DNAH7: variants seen among roughly 807,000 people sequenced by gnomAD.
The protein encoded by DNAH7 is dynein axonemal heavy chain 7.
A neutral mutation model predicts 444.6 loss-of-function variants in DNAH7; 397 were observed. The ratio of observed to expected loss-of-function variants is 0.89; its 90% CI spans 0.82 to 0.97. The LOEUF (loss-of-function observed/expected upper bound fraction) is 0.97, where lower values mean the gene tolerates loss of function less well. Among genes scored for constraint, DNAH7 ranks in the 50% least tolerant of loss-of-function variants. The pLI is 0.00. For missense variants in DNAH7, 4,902 were observed against 4,800.8 expected (o/e 1.02, Z -0.62); for synonymous variants, 1,636 against 1,624.4 (o/e 1.01, Z -0.17).
rs771195155 is a variant in DNAH7, at chr2:196,019,240, T to C, written c.799A>G (p.Ile267Val). Residue 267 changes from isoleucine to valine, a missense_variant, in exon 9 of 65, where the codon ATT becomes GTT. Coordinates refer to ENST00000312428, the MANE Select transcript of DNAH7 (RefSeq NM_018897.3). The stretch of plus-strand genomic sequence containing the variant: ...TTCATTGCATTCAAGTGATCCCTAA[T>C]ATAACTGCTTGCAGCTAAAAAAGAT... ...RKSFLAASSY[I>V]RDHLNAMNPT... is the part of the protein sequence containing the mutation. 24 of 1,514,936 alleles carry C rather than the reference T, an allele frequency of 1.6e-5. No individual in the cohort carries two copies. Among genetic ancestry groups the C allele is most frequent in the Non-Finnish European group, 2.1e-5 (23 of 1,118,884 alleles). 93.8% of individuals were successfully genotyped at this position (1,514,936 alleles called of 1,614,324 possible).
In DNAH7 at chr2:195,844,994, T is replaced by C; in HGVS notation, c.8945+8A>G. The C allele has an allele frequency of 6.2e-7, 1 of 1,609,130 alleles. No homozygotes were observed. Among genetic ancestry groups the C allele is most frequent in the African/African-American group, 1.3e-5 (1 of 74,874 alleles). On this transcript the variant is annotated splice_region_variant and intron_variant, in intron 47 of 64. Transcript: ENST00000312428. ...AAAGACCATTTGTGAGAAAAATATT[T>C]TTCTTACATTATGATTATCCCATTA...
chr2:195,944,233 T>C (rs1335959616), intron 19 of DNAH7, among the ~76,000 whole-genome samples: 1 of 152,160 alleles, frequency 6.6e-6, no homozygotes, highest in Non-Finnish European at 1.5e-5. Context: ...GGTGCAAGCA[T>C]ATGCGGCACA....
intron 54 of DNAH7, 81 bp downstream of exon 54, chr2:195,806,659 C>T (rs1488953659): frequency 2.5e-6 from 3 of 1,181,416 alleles, no homozygotes; most frequent in Non-Finnish European, 3.6e-6. Context: ...CCCATGATTA[C>T]ATAAGGAAAC....
chr2:195,915,374 T>C (rs1687611215), intron 24 of DNAH7, among the ~76,000 whole-genome samples: 1 of 152,070 alleles, frequency 6.6e-6, no homozygotes, highest in African/African-American at 2.4e-5. Context: ...TGTGCACAGG[T>C]AGTGAGTGAA....
At chr2:195,840,974 A>C (rs1698648996) in intron 47 of DNAH7, among the ~76,000 whole-genome samples, 1 of 151,818 alleles carries the variant, frequency 6.6e-6, no homozygotes, top group South Asian at 2.1e-4. Flanking sequence ...AGTAGACAAA[A>C]CAATTTTGAA....
rs182827897 is a variant in DNAH7 at position 195,815,971 on chromosome 2, G to A, written c.9761+657C>T. Among the ~76,000 whole-genome samples the A allele has an allele frequency of 1.7e-3, 256 of 152,290 alleles. 1 individual carries two copies. Among genetic ancestry groups the A allele is most frequent in the African/African-American group, 5.9e-3 (245 of 41,560 alleles). Reference sequence around the variant, plus strand: ...TGCGCCACTGCACTCCTGCCTGGGCGACAGAGTGAGCCTCCGTCTCAAAAC... The same window carrying A: ...TGCGCCACTGCACTCCTGCCTGGGCAACAGAGTGAGCCTCCGTCTCAAAAC... On this transcript the variant is annotated intron_variant, in intron 51 of 64. Transcript: ENST00000312428.
intron 25 of DNAH7, among the ~76,000 whole-genome samples, chr2:195,909,024 T>C (rs900284690): frequency 6.6e-6 from 1 of 152,116 alleles, no homozygotes; most frequent in Admixed American, 6.6e-5. Context: ...ATTTTTAAAA[T>C]GTGCTTTGCA....
At chr2:196,007,593 T>A (rs768512367) in intron 10 of DNAH7, among the ~76,000 whole-genome samples, 1 of 152,198 alleles carries the variant, frequency 6.6e-6, no homozygotes, top group Non-Finnish European at 1.5e-5. Flanking sequence ...ATAATCTCCA[T>A]GTGTCAAAGC....
At chr2:196,059,717 A>C (rs1698029190) in intron 1 of DNAH7, among the ~76,000 whole-genome samples, 1 of 152,108 alleles carries the variant, frequency 6.6e-6, no homozygotes, top group South Asian at 2.1e-4. Context: ...ACAGAGGGAG[A>C]CTTCCTTGCA....
chr2:195,914,184 C>T (rs995451451), intron 24 of DNAH7, among the ~76,000 whole-genome samples: 12 of 152,226 alleles, frequency 7.9e-5, no homozygotes, highest in African/African-American at 2.9e-4. Flanking sequence ...ACTTTCCCAT[C>T]TGACTGAAAA....
chr2:196,042,322 T>C (rs1696820388), intron 5 of DNAH7, among the ~76,000 whole-genome samples: 1 of 152,042 alleles, frequency 6.6e-6, no homozygotes, highest in African/African-American at 2.4e-5. Flanking sequence ...AGGGGACAGA[T>C]ATCCCAATTA....
At chr2:196,054,222 T>C (rs1043291248) in intron 2 of DNAH7, among the ~76,000 whole-genome samples, 1 of 152,220 alleles carries the variant, frequency 6.6e-6, no homozygotes, top group African/African-American at 2.4e-5. Flanking sequence ...GCATTCTTTA[T>C]TGTTTAAATT....
chr2:195,769,689 C>G (rs1694746925), intron 61 of DNAH7, among the ~76,000 whole-genome samples: 1 of 152,030 alleles, frequency 6.6e-6, no homozygotes, highest in Non-Finnish European at 1.5e-5. Flanking sequence ...TTAAATGTTC[C>G]TTTCTGAGAA....
At chr2:195,772,008 G>A (rs1187067249) in intron 60 of DNAH7, 118 bp from the exon 61 acceptor site, 4 of 828,502 alleles carry the variant, frequency 4.8e-6, no homozygotes, top group Non-Finnish European at 5.9e-6. Flanking sequence ...TTTTATCCAT[G>A]ATCCATCTCC....
At chr2:195,963,733 A>C (rs982405772) in intron 17 of DNAH7, among the ~76,000 whole-genome samples, 2 of 152,152 alleles carry the variant, frequency 1.3e-5, no homozygotes, top group South Asian at 2.1e-4. Context: ...TAGTAGTTTC[A>C]TAGTTTGAGG....
rs571026775 is a variant in DNAH7, at chr2:195,796,357, C to T, written c.10515+219G>A. On this transcript the variant is annotated intron_variant, in intron 56 of 64. Coordinates refer to ENST00000312428, the MANE Select transcript of DNAH7 (RefSeq NM_018897.3). The stretch of plus-strand genomic sequence containing the variant: ...ATATTTCCATCTCACTGGATGAGCC[C>T]TTGTCCCTGTTAAGAGGGATTTGCC... 8.5e-5 allele frequency among the ~76,000 whole-genome samples: 13 copies of T among 152,274 alleles called. No individual in the cohort carries two copies. In the East Asian group the frequency reaches 2.3e-3, roughly 27 times the overall value.
chr2:195,778,628 A>AAAAT (rs1553518187), intron 58 of DNAH7, among the ~76,000 whole-genome samples: 3 of 47,182 alleles, frequency 6.4e-5, no homozygotes, highest in East Asian at 1.5e-3. Flanking sequence ...GAAAAAAAAA[A>AAAAT]AAAATAAATA....
At chr2:195,966,190 C>T (rs1374348911) in intron 17 of DNAH7, among the ~76,000 whole-genome samples, 2 of 151,994 alleles carry the variant, frequency 1.3e-5, no homozygotes, top group African/African-American at 4.8e-5. Flanking sequence ...TCCATTTCCT[C>T]TTAATTTTTT....
At chr2:195,927,769 C>T (rs1021814143) in intron 21 of DNAH7, among the ~76,000 whole-genome samples, 45 of 151,486 alleles carry the variant, frequency 3.0e-4, no homozygotes, top group Middle Eastern at 3.4e-3. Context: ...TATAGAATAA[C>T]ATATATATGT....
Sources: allele counts gnomAD v4.1 joint callset (sites outside exome capture counted in the v4.1 genomes callset), GRCh38; gene constraint gnomAD v4.1.1; transcripts MANE v1.5; gene names NCBI Gene and HGNC (gene_info 2026-07-23, HGNC 2026-07-21).